Variants in AGMO observed in about 807,000 individuals in gnomAD.
AGMO encodes glyceryl-ether monooxygenase.
A neutral mutation model predicts 60.2 loss-of-function variants in AGMO; 75 were observed. That is an observed-to-expected ratio of 1.25 (90% CI 1.03 to 1.51). AGMO has a LOEUF of 1.51. Ranked by LOEUF, AGMO falls within the 40% of genes most tolerant of loss-of-function variation. AGMO has a pLI of 0.00. For synonymous variants in AGMO, 261 were observed against 177.1 expected (o/e 1.47, Z -3.76); for missense variants, 763 against 525.5 (o/e 1.45, Z -4.42).
chr7:15,380,501 A>T (rs1321261711), intron 10 of AGMO, among the ~76,000 whole-genome samples: 2 of 152,142 alleles, frequency 1.3e-5, no homozygotes, highest in African/African-American at 4.8e-5. Flanking sequence ...CTACTCAAAG[A>T]AATCGGATAT....
intron 12 of AGMO, among the ~76,000 whole-genome samples, chr7:15,345,790 A>G (rs1236767534): frequency 6.6e-6 from 1 of 152,152 alleles, no homozygotes; most frequent in Non-Finnish European, 1.5e-5. Context: ...CACCCATCTG[A>G]TAAATCTCAA....
At chr7:15,508,086 C>T (rs899018939) in intron 3 of AGMO, among the ~76,000 whole-genome samples, 9 of 151,834 alleles carry the variant, frequency 5.9e-5, no homozygotes, top group Non-Finnish European at 1.2e-4. Context: ...AAAATAGCAC[C>T]AAAAGGGAGT....
intron 3 of AGMO, among the ~76,000 whole-genome samples, chr7:15,457,387 A>G (rs940853318): frequency 6.6e-6 from 1 of 152,182 alleles, no homozygotes; most frequent in African/African-American, 2.4e-5. Flanking sequence ...TCTTAAACTT[A>G]ATTGACAGTT....
intron 12 of AGMO, among the ~76,000 whole-genome samples, chr7:15,355,540 G>A (rs1310958978): frequency 3.3e-5 from 5 of 149,350 alleles, no homozygotes; most frequent in Non-Finnish European, 7.4e-5. Context: ...TAAGATCATG[G>A]AATTAATTCA....
At chr7:15,481,385 A>C (rs1444346226) in intron 3 of AGMO, among the ~76,000 whole-genome samples, 1 of 152,142 alleles carries the variant, frequency 6.6e-6, no homozygotes, top group Non-Finnish European at 1.5e-5. Flanking sequence ...AAAACCATTA[A>C]AGCTTAACAT....
At chr7:15,320,088 G>A (rs1450329736) in intron 12 of AGMO, among the ~76,000 whole-genome samples, 2 of 140,254 alleles carry the variant, frequency 1.4e-5, no homozygotes, top group Non-Finnish European at 3.0e-5. Flanking sequence ...ACAGGAAGGG[G>A]AACATCACAC....
intron 3 of AGMO, among the ~76,000 whole-genome samples, chr7:15,491,818 G>T (rs965525064): frequency 6.6e-6 from 1 of 152,164 alleles, no homozygotes; most frequent in Non-Finnish European, 1.5e-5. Flanking sequence ...TGTAGTCAAT[G>T]AACAGTATGT....
chr7:15,319,135 C>A (rs1427775405), intron 12 of AGMO, among the ~76,000 whole-genome samples: 2 of 152,084 alleles, frequency 1.3e-5, no homozygotes, highest in Non-Finnish European at 2.9e-5. Context: ...ATTGTTAATG[C>A]CTCAGCATAG....
chr7:15,372,269 G>A (rs7810804), intron 10 of AGMO, among the ~76,000 whole-genome samples: 84,533 of 151,640 alleles, frequency 0.56, 24,114 homozygotes, highest in African/African-American at 0.66. Context: ...TGGCCAACAC[G>A]GTGAAATCCC....
At chr7:15,131,757 A>AACACACACACACAC in the AGMO span, among the ~76,000 whole-genome samples, 23 of 146,360 alleles carry the variant, frequency 1.6e-4, no homozygotes, top group South Asian at 1.8e-3. Flanking sequence ...CAAAGAAATT[A>AACACACACACACAC]ACACACACAC....
At chr7:15,361,045 G>C (rs898545991) in intron 12 of AGMO, among the ~76,000 whole-genome samples, 6 of 152,134 alleles carry the variant, frequency 3.9e-5, no homozygotes, top group African/African-American at 1.4e-4. Flanking sequence ...AAGAATCCTG[G>C]TTTCTGGAAA....
chr7:15,323,073 A>G (rs1248212881), intron 12 of AGMO, among the ~76,000 whole-genome samples: 2 of 151,626 alleles, frequency 1.3e-5, no homozygotes, highest in Non-Finnish European at 2.9e-5. Flanking sequence ...AAGGGAAAGA[A>G]ATTAGACTAT....
intron 3 of AGMO, among the ~76,000 whole-genome samples, chr7:15,510,142 A>C (rs1234737828): frequency 3.3e-5 from 5 of 152,192 alleles, no homozygotes; most frequent in African/African-American, 1.2e-4. Context: ...TGTCAAAGAG[A>C]CAAGATATAG....
intron 10 of AGMO, among the ~76,000 whole-genome samples, chr7:15,367,114 C>A (rs1783018516): frequency 6.6e-6 from 1 of 151,912 alleles, no homozygotes; most frequent in Non-Finnish European, 1.5e-5. Flanking sequence ...TTTGGACTCT[C>A]AGTCAAAGGA....
chr7:15,250,341 A>C (rs1371182293), intron 12 of AGMO, among the ~76,000 whole-genome samples: 2 of 152,198 alleles, frequency 1.3e-5, no homozygotes, highest in Non-Finnish European at 2.9e-5. Context: ...AATCAGATTC[A>C]TATACATGAA....
At chr7:15,368,544 T>C (rs1462518404) in intron 10 of AGMO, among the ~76,000 whole-genome samples, 1 of 152,176 alleles carries the variant, frequency 6.6e-6, no homozygotes, top group Non-Finnish European at 1.5e-5. Flanking sequence ...GCCTCAGCTA[T>C]GCGTTTGGTA....
intron 2 of AGMO, among the ~76,000 whole-genome samples, chr7:15,551,832 A>G (rs1784969089): frequency 6.6e-6 from 1 of 152,138 alleles, no homozygotes; most frequent in East Asian, 1.9e-4. Context: ...TAAAGTTCAT[A>G]TGGAATCAAA....
intron 12 of AGMO, among the ~76,000 whole-genome samples, chr7:15,323,938 A>T (rs1025826739): frequency 5.3e-5 from 8 of 152,234 alleles, no homozygotes; most frequent in Non-Finnish European, 1.2e-4. Flanking sequence ...AGAGTAAGCC[A>T]CATTTAAAAC....
intron 3 of AGMO, among the ~76,000 whole-genome samples, chr7:15,525,321 T>G (rs1307794342): frequency 1.3e-5 from 2 of 152,130 alleles, no homozygotes; most frequent in African/African-American, 2.4e-5. Context: ...ATCTGCGGAC[T>G]AGATTGAGAA....
Sources: gnomAD v4.1 joint callset for allele counts (sites outside exome capture counted in the v4.1 genomes callset) on GRCh38, gnomAD v4.1.1 for gene constraint, MANE v1.5 for transcripts, NCBI Gene and HGNC (gene_info 2026-07-23, HGNC 2026-07-21) for gene names.